The following DNM3 variants were observed in gnomAD, a reference collection of about 807,000 sequenced individuals.
DNM3 encodes the protein dynamin-3.
DNM3 carries 47 observed loss-of-function variants against 101.6 expected under a neutral mutation model. That is an observed-to-expected ratio of 0.46 (90% CI 0.37 to 0.59). The LOEUF is 0.59. Among genes scored for constraint, DNM3 ranks in the 20% least tolerant of loss-of-function variants. The pLI, the probability that DNM3 is intolerant of heterozygous loss-of-function variation, is 0.00. For missense variants in DNM3, 849 were observed against 1,085.7 expected, an observed-to-expected ratio of 0.78 and a Z score of 3.06; for synonymous variants, 385 against 387.9, an observed-to-expected ratio of 0.99 and a Z score of 0.09.
intron 1 of DNM3, among the ~76,000 whole-genome samples, chr1:171,859,093 G>A (rs1384172877): frequency 4.6e-5 from 7 of 152,048 alleles, no homozygotes; most frequent in Admixed American, 4.6e-4. Flanking sequence ...AAGCTTCTTG[G>A]GATGTCATAC....
chr1:171,973,518 A>C (rs1341366268), intron 2 of DNM3, among the ~76,000 whole-genome samples: 2 of 152,102 alleles, frequency 1.3e-5, no homozygotes, highest in Non-Finnish European at 2.9e-5. Flanking sequence ...TTGGTGAATG[A>C]AGCAGAAGAA....
intron 12 of DNM3, among the ~76,000 whole-genome samples, chr1:172,091,208 T>C (rs2053883425): frequency 6.6e-6 from 1 of 152,208 alleles, no homozygotes; most frequent in African/African-American, 2.4e-5. Flanking sequence ...AAACCAACCA[T>C]GTGCCATGTC....
At chr1:172,208,653 C>T (rs1251010777) in intron 14 of DNM3, among the ~76,000 whole-genome samples, 1 of 152,066 alleles carries the variant, frequency 6.6e-6, no homozygotes. Flanking sequence ...TCTACATACC[C>T]TATTTGCTTT....
intron 14 of DNM3, among the ~76,000 whole-genome samples, chr1:172,242,680 C>T (rs751316623): frequency 1.7e-4 from 26 of 152,140 alleles, no homozygotes; most frequent in Non-Finnish European, 3.2e-4. Flanking sequence ...TGGGCTCAAG[C>T]GATCCTCCTG....
intron 2 of DNM3, among the ~76,000 whole-genome samples, chr1:171,976,032 C>G (rs1558357937): frequency 6.6e-6 from 1 of 151,670 alleles, no homozygotes; most frequent in Non-Finnish European, 1.5e-5. Flanking sequence ...CATAAAGAGA[C>G]AAATAGATCA....
intron 1 of DNM3, among the ~76,000 whole-genome samples, chr1:171,919,756 C>G (rs1306117403): frequency 6.6e-6 from 1 of 152,098 alleles, no homozygotes; most frequent in Non-Finnish European, 1.5e-5. Flanking sequence ...TAAATATATT[C>G]AAAACATCAT....
chr1:172,163,713 C>T (rs892949225), intron 14 of DNM3, among the ~76,000 whole-genome samples: 7 of 152,000 alleles, frequency 4.6e-5, no homozygotes, highest in Non-Finnish European at 1.0e-4. Flanking sequence ...TTTTAGATTC[C>T]TTGTAAGTGA....
chr1:172,293,638 T>A (rs1318285202), intron 15 of DNM3, among the ~76,000 whole-genome samples: 1 of 152,152 alleles, frequency 6.6e-6, no homozygotes, highest in African/African-American at 2.4e-5. Context: ...ATCAGCTCAG[T>A]TCAGTGTTTT....
At chr1:172,102,094 G>A (rs1002292457) in intron 13 of DNM3, among the ~76,000 whole-genome samples, 2 of 152,038 alleles carry the variant, frequency 1.3e-5, no homozygotes. Context: ...CTTACCTCAG[G>A]TGATCTACCC....
intron 1 of DNM3, among the ~76,000 whole-genome samples, chr1:171,914,787 C>T (rs930850315): frequency 3.9e-5 from 6 of 151,990 alleles, no homozygotes; most frequent in African/African-American, 7.3e-5. Flanking sequence ...GGAACAATGA[C>T]GAATCTTCTT....
At chr1:172,041,027 G>C (rs1403218793) in intron 7 of DNM3, among the ~76,000 whole-genome samples, 1 of 152,050 alleles carries the variant, frequency 6.6e-6, no homozygotes, top group Non-Finnish European at 1.5e-5. Context: ...GAATTGTGGG[G>C]ATCCATTGAA....
intron 14 of DNM3, among the ~76,000 whole-genome samples, chr1:172,161,633 G>T (rs1287333157): frequency 1.3e-5 from 2 of 152,022 alleles, no homozygotes; most frequent in Non-Finnish European, 2.9e-5. Flanking sequence ...CTGCAATCTG[G>T]TAATGTAATT....
At chr1:171,893,316 T>C (rs1328238906) in intron 1 of DNM3, among the ~76,000 whole-genome samples, 3 of 152,212 alleles carry the variant, frequency 2.0e-5, no homozygotes, top group African/African-American at 7.2e-5. Context: ...CAATACATAC[T>C]AAGATAGTTT....
intron 13 of DNM3, 84 bp from the exon 14 acceptor site, chr1:172,131,090 GT>G: frequency 8.8e-7 from 1 of 1,139,716 alleles, no homozygotes; most frequent in Non-Finnish European, 1.3e-6. Flanking sequence ...TTAATATCTT[GT>G]TTTTAACTTC....
In DNM3 at chr1:171,881,433, C is replaced by T. The variant is rs142820427; in HGVS notation, c.161+39616C>T. Among the ~76,000 whole-genome samples the T allele has an allele frequency of 2.1e-3, 312 of 152,116 alleles. 1 individual carries two copies. Among genetic ancestry groups the T allele is most frequent in the African/African-American group, 7.0e-3 (292 of 41,512 alleles). ...TTTAATTATGAAAATTCTCCTGTGA[C>T]GTTTTGTCTTTTCATGTTAGGCCTA... On this transcript the variant is annotated intron_variant, in intron 1 of 20. Transcript: ENST00000627582.
Position 172,219,658 on chromosome 1 carries a change from C to A in DNM3, c.1660-33915C>A, listed in dbSNP as rs540355579. Among the ~76,000 whole-genome samples the A allele has an allele frequency of 4.6e-5, 7 of 152,192 alleles. No homozygotes were observed. In the East Asian group the frequency reaches 1.2e-3, roughly 25 times the overall value. On this transcript the variant is annotated intron_variant, in intron 14 of 20. Transcript: ENST00000627582. ...CTTTTTAGAACGCAAAAGACTCAATCTGAGAGGCGTCAGAGGGAGACAGAC... is the reference window on the plus strand; with the variant it reads ...CTTTTTAGAACGCAAAAGACTCAATATGAGAGGCGTCAGAGGGAGACAGAC...
intron 15 of DNM3, among the ~76,000 whole-genome samples, chr1:172,276,773 A>C (rs1452541084): frequency 6.6e-6 from 1 of 152,042 alleles, no homozygotes; most frequent in Non-Finnish European, 1.5e-5. Context: ...GCTGATGTCA[A>C]TTACAATAAA....
At position 172,388,800 on chromosome 1, in the gene DNM3, G is replaced by C. The variant is rs774937727; in HGVS notation, c.2513G>C (p.Ser838Thr). 6 of 1,578,914 alleles carry C rather than the reference G, an allele frequency of 3.8e-6. No individual in the cohort carries two copies. In the South Asian group the frequency reaches 7.0e-5, roughly 18 times the overall value. Residue 838 changes from serine to threonine, a missense_variant, in exon 20 of 21, where the codon AGT becomes ACT. Coordinates refer to ENST00000627582, the MANE Select transcript of DNM3 (RefSeq NM_015569.5). Reference sequence around the variant, plus strand: ...TCTAGGCCTACGAGGGCCCCGCCCAGTGTCCCAAGGTAAGGCATGGAGCAG... The same window carrying C: ...TCTAGGCCTACGAGGGCCCCGCCCACTGTCCCAAGGTAAGGCATGGAGCAG... ...VPSRPTRAPP[S>T]VPSRRPPPSP...
intron 14 of DNM3, chr1:172,139,766 A>G (rs928091683): frequency 6.6e-6 from 1 of 152,156 alleles, no homozygotes; most frequent in Non-Finnish European, 1.5e-5. Flanking sequence ...AATTCATTTC[A>G]TATCCAAAAA....
Sources: gnomAD v4.1 joint callset for allele counts (sites outside exome capture counted in the v4.1 genomes callset) on GRCh38, gnomAD v4.1.1 for gene constraint, MANE v1.5 for transcripts, NCBI Gene and HGNC (gene_info 2026-07-23, HGNC 2026-07-21) for gene names.